The following NLGN4X variants were observed in gnomAD, a reference collection of about 807,000 sequenced individuals.
The protein encoded by NLGN4X is neuroligin 4 X-linked.
NLGN4X carries 3 observed loss-of-function variants against 40.3 expected under a neutral mutation model. The ratio of observed to expected loss-of-function variants is 0.07; its 90% CI spans 0.03 to 0.19. NLGN4X has a LOEUF of 0.19. Ranked by LOEUF, NLGN4X falls within the 10% of genes least tolerant of loss-of-function variation. NLGN4X has a pLI of 1.00. For missense variants in NLGN4X, 382 were observed against 708.3 expected (o/e 0.54, Z 5.23); for synonymous variants, 270 against 306.8 (o/e 0.88, Z 1.25).
intron 5 of NLGN4X, among the ~76,000 whole-genome samples, chrX:5,900,073 C>T (rs769301273): frequency 1.4e-4 from 16 of 112,255 alleles, no homozygotes; most frequent in Non-Finnish European, 2.1e-4. Flanking sequence ...GGGCAGACAC[C>T]GCCTATCTCA....
rs930625574 is a variant in NLGN4X at position 6,082,948 on chromosome X, G to GTTTTTTTTTTTTTT, written c.473-53517_473-53516insAAAAAAAAAAAAAA. On this transcript the variant is annotated intron_variant, in intron 2 of 5. Coordinates refer to ENST00000381095, the MANE Select transcript of NLGN4X (RefSeq NM_181332.3). ...AAAAAAAGAGATTTTGCCATGATGC[G>GTTTTTTTTTTTTTT]TTTTTTTCTTTTTTTTTTTTTTTTT... 1.6e-4 allele frequency among the ~76,000 whole-genome samples: 11 copies of GTTTTTTTTTTTTTT among 70,352 alleles called. 1 individual carries two copies. Among genetic ancestry groups the GTTTTTTTTTTTTTT allele is most frequent in the African/African-American group, 1.9e-4 (4 of 20,659 alleles). 61.1% of individuals were successfully genotyped at this position (70,352 alleles called of 115,157 possible). A position where few individuals can be genotyped will look rare whatever the true frequency, so the allele number is the denominator to read the frequency against.
At chrX:6,178,107 A>G (rs1043514735) in intron 1 of NLGN4X, among the ~76,000 whole-genome samples, 1 of 111,618 alleles carries the variant, frequency 9.0e-6, no homozygotes, top group Non-Finnish European at 1.9e-5. Flanking sequence ...ATTTCCTTAT[A>G]GTAGCCCAAA....
intron 1 of NLGN4X, among the ~76,000 whole-genome samples, chrX:6,158,278 T>C (rs2040314147): frequency 9.0e-6 from 1 of 111,459 alleles, no homozygotes; most frequent in South Asian, 3.8e-4. Flanking sequence ...CAGATAGACA[T>C]CTTATGGTGC....
At chrX:6,109,500 G>C (rs954755904) in intron 2 of NLGN4X, among the ~76,000 whole-genome samples, 2 of 111,964 alleles carry the variant, frequency 1.8e-5, no homozygotes, top group African/African-American at 3.2e-5. Context: ...AATAACAAAA[G>C]GTTTTACTGT....
intron 2 of NLGN4X, among the ~76,000 whole-genome samples, chrX:6,081,001 T>G (rs2038333704): frequency 9.1e-6 from 1 of 109,367 alleles, no homozygotes; most frequent in African/African-American, 3.3e-5. Flanking sequence ...AAAAAAAAAT[T>G]ATAGAGGCTG....
rs757626508 is a variant in NLGN4X at position 5,992,706 on chromosome X, CT to C, written c.625+36573del. 1.2e-4 allele frequency among the ~76,000 whole-genome samples: 13 copies of C among 111,652 alleles called. No homozygotes were observed. In the South Asian group the frequency reaches 1.9e-3, roughly 16 times the overall value. Reference sequence around the variant, plus strand: ...CTGCTTCTGGTGAGGCCTCAGGGAGCTTCCACTTATGGTGGAAGAGGAAGGG... The same window carrying C: ...CTGCTTCTGGTGAGGCCTCAGGGAGCTCCACTTATGGTGGAAGAGGAAGGG... On this transcript the variant is annotated intron_variant, in intron 3 of 5. Coordinates refer to ENST00000381095, the MANE Select transcript of NLGN4X (RefSeq NM_181332.3).
At chrX:6,010,513 T>TTTATTATTTTTATTATTA (rs1555947642) in intron 3 of NLGN4X, among the ~76,000 whole-genome samples, 26 of 95,413 alleles carry the variant, frequency 2.7e-4, no homozygotes, top group African/African-American at 9.4e-4. Context: ...TTCTTTTTAT[T>TTTATTATTTTTATTATTA]TTATTATTAT....
At chrX:6,221,425 ATAT>A (rs1336704465) in intron 1 of NLGN4X, among the ~76,000 whole-genome samples, 1 of 71,324 alleles carries the variant, frequency 1.4e-5, no homozygotes, top group Non-Finnish European at 2.6e-5. Context: ...ATATATATAT[ATAT>A]ATTTGCTTTT....
chrX:5,996,485 C>G (rs759988077), intron 3 of NLGN4X, among the ~76,000 whole-genome samples: 3 of 109,753 alleles, frequency 2.7e-5, no homozygotes. Flanking sequence ...GAACAGCCAG[C>G]CCCTTGAAGC....
chrX:5,955,161 C>A lies in NLGN4X; in HGVS notation c.626-45922G>T, dbSNP rs192851415. On this transcript the variant is annotated intron_variant, in intron 3 of 5. Coordinates refer to ENST00000381095, the MANE Select transcript of NLGN4X (RefSeq NM_181332.3). The stretch of plus-strand genomic sequence containing the variant: ...CTAAAATCCTTACCATCTGGTAACA[C>A]CTCAGGGTTTAAGCCAAAAATATCC... Among the ~76,000 whole-genome samples the A allele has an allele frequency of 3.0e-4, 34 of 112,061 alleles. No individual in the cohort carries two copies. In the East Asian group the frequency reaches 8.7e-3, roughly 29 times the overall value.
At chrX:5,990,077 CCTCT>C (rs71839664) in intron 3 of NLGN4X, among the ~76,000 whole-genome samples, 15,548 of 83,362 alleles carry the variant, frequency 0.19, 1,265 homozygotes, top group South Asian at 0.32. Context: ...TCTCTATTTT[CCTCT>C]CTCTCTCTCT....
At chrX:5,907,162 G>A (rs754697306) in intron 4 of NLGN4X, among the ~76,000 whole-genome samples, 27 of 111,774 alleles carry the variant, frequency 2.4e-4, no homozygotes, top group Non-Finnish European at 4.5e-4. Context: ...TGACAACACA[G>A]AACAAATTAC....
intron 1 of NLGN4X, among the ~76,000 whole-genome samples, chrX:6,152,639 G>A (rs1003352162): frequency 9.0e-6 from 1 of 111,721 alleles, no homozygotes; most frequent in Non-Finnish European, 1.9e-5. Context: ...TCCTTGGTCT[G>A]GTCAAGTGCA....
At chrX:5,925,899 T>TACATACAC (rs1555921219) in intron 3 of NLGN4X, among the ~76,000 whole-genome samples, 2 of 31,307 alleles carry the variant, frequency 6.4e-5, no homozygotes, top group East Asian at 2.3e-3. Context: ...TATATATATA[T>TACATACAC]ATATATATAT....
At chrX:6,155,837 C>A (rs940205886) in intron 1 of NLGN4X, among the ~76,000 whole-genome samples, 2 of 112,127 alleles carry the variant, frequency 1.8e-5, no homozygotes, top group Admixed American at 1.9e-4. Flanking sequence ...GTCAAAACCA[C>A]AATGAGATAC....
intron 2 of NLGN4X, among the ~76,000 whole-genome samples, chrX:6,072,313 GC>G (rs1220650535): frequency 9.0e-6 from 1 of 111,112 alleles, no homozygotes; most frequent in Non-Finnish European, 1.9e-5. Context: ...TGCAGAGAAC[GC>G]CCCTGTTTTC....
chrX:6,088,015 G>A (rs916035151), intron 2 of NLGN4X, among the ~76,000 whole-genome samples: 14 of 111,260 alleles, frequency 1.3e-4, no homozygotes, highest in African/African-American at 4.3e-4. Flanking sequence ...ATCTACACAC[G>A]ATTTTCTACC....
intron 1 of NLGN4X, among the ~76,000 whole-genome samples, chrX:6,193,269 C>T (rs1246491305): frequency 9.0e-6 from 1 of 110,690 alleles, no homozygotes; most frequent in Non-Finnish European, 1.9e-5. Context: ...ATTAGCCGGG[C>T]GCAGTGGCGG....
chrX:6,199,387 T>C (rs112009449), intron 1 of NLGN4X, among the ~76,000 whole-genome samples: 1,885 of 111,922 alleles, frequency 0.017, 35 homozygotes, highest in African/African-American at 0.056. Context: ...AATAAAAAAA[T>C]TCTATTTAGA....
Sources: gnomAD v4.1 joint callset for allele counts (sites outside exome capture counted in the v4.1 genomes callset) on GRCh38, gnomAD v4.1.1 for gene constraint, MANE v1.5 for transcripts, NCBI Gene and HGNC (gene_info 2026-07-23, HGNC 2026-07-21) for gene names.